The following THSD7B variants were observed in gnomAD, a reference collection of about 807,000 sequenced individuals.
The protein encoded by THSD7B is thrombospondin type 1 domain containing 7B, also known as thrombospondin type-1 domain-containing protein 7B.
A neutral mutation model predicts 213.6 loss-of-function variants in THSD7B; 138 were observed. The observed-to-expected ratio is 0.65, with a 90% CI of 0.56 to 0.74. The LOEUF is 0.74. Ranked by LOEUF, THSD7B falls within the 30% of genes least tolerant of loss-of-function variation. The pLI, the probability that THSD7B is intolerant of heterozygous loss-of-function variation, is 0.00. For missense variants in THSD7B, 1,931 were observed against 1,991.5 expected (o/e 0.97, Z 0.58); for synonymous variants, 742 against 687.0 (o/e 1.08, Z -1.25).
chr2:137,170,327 A>T (rs1252616563), intron 6 of THSD7B, among the ~76,000 whole-genome samples: 1 of 152,208 alleles, frequency 6.6e-6, no homozygotes, highest in Non-Finnish European at 1.5e-5. Flanking sequence ...TGGAGATGCC[A>T]GAGAGGTAAT....
At chr2:136,857,378 G>A (rs563056175) in intron 1 of THSD7B, among the ~76,000 whole-genome samples, 11 of 152,234 alleles carry the variant, frequency 7.2e-5, no homozygotes, top group East Asian at 1.9e-4. Flanking sequence ...ACATGCCTGC[G>A]TTCCCACCAG....
intron 2 of THSD7B, among the ~76,000 whole-genome samples, chr2:136,983,618 G>C (rs1685625527): frequency 6.6e-6 from 1 of 151,914 alleles, no homozygotes; most frequent in Non-Finnish European, 1.5e-5. Flanking sequence ...TCTGCAAATG[G>C]AATCAACATG....
intron 9 of THSD7B, among the ~76,000 whole-genome samples, chr2:137,236,483 G>A (rs995872676): frequency 6.6e-6 from 1 of 152,106 alleles, no homozygotes; most frequent in Non-Finnish European, 1.5e-5. Flanking sequence ...AGTTGTGTTC[G>A]GTTTTGTTTT....
At chr2:137,461,008 T>G (rs1687873287) in intron 15 of THSD7B, among the ~76,000 whole-genome samples, 1 of 152,162 alleles carries the variant, frequency 6.6e-6, no homozygotes, top group Non-Finnish European at 1.5e-5. Context: ...CTTAATATTA[T>G]TATTCATGAT....
intron 7 of THSD7B, among the ~76,000 whole-genome samples, chr2:137,212,874 A>G (rs994437724): frequency 6.6e-6 from 1 of 152,054 alleles, no homozygotes; most frequent in African/African-American, 2.4e-5. Context: ...GTGTAAAATT[A>G]TGGATCAGGA....
intron 14 of THSD7B, among the ~76,000 whole-genome samples, chr2:137,413,625 G>C (rs925920277): frequency 3.9e-5 from 6 of 152,186 alleles, no homozygotes; most frequent in Admixed American, 3.9e-4. Context: ...GCTAGGAAAG[G>C]TGTTTTGGAT....
intron 2 of THSD7B, among the ~76,000 whole-genome samples, chr2:137,012,779 A>G (rs1285223777): frequency 2.0e-5 from 3 of 152,202 alleles, no homozygotes; most frequent in Admixed American, 6.5e-5. Context: ...TTCTACTTTT[A>G]TTTGTGCTTT....
intron 5 of THSD7B, among the ~76,000 whole-genome samples, chr2:137,132,922 GT>G (rs1688768369): frequency 1.3e-5 from 2 of 152,074 alleles, no homozygotes; most frequent in African/African-American, 4.8e-5. Flanking sequence ...CTTCAAAAAT[GT>G]AAAGACAGCC....
intron 7 of THSD7B, among the ~76,000 whole-genome samples, chr2:137,181,539 A>G (rs1035446808): frequency 2.0e-5 from 3 of 152,200 alleles, no homozygotes; most frequent in South Asian, 2.1e-4. Context: ...CTGCCTAGCA[A>G]TGGTGAGTAA....
Position 137,405,671 on chromosome 2 carries a change from G to A in THSD7B, c.2559G>A (p.Gln853=). Residue 853 remains glutamine (Q), a synonymous_variant, in exon 13 of 28, where the codon CAG becomes CAA. Transcript: ENST00000409968. ...RSAEMMECLK[Q]TNGMPLLVQE... ...CAGAAATGATGGAATGCCTCAAGCA[G>A]ACAAACGGCATGCCTCTCCTTGTGC... 6.2e-7 allele frequency: 1 copy of A among 1,613,502 alleles called. No homozygotes were observed. The highest frequency in any genetic ancestry group is 8.5e-7 in the Non-Finnish European group (1 of 1,179,730).
intron 2 of THSD7B, among the ~76,000 whole-genome samples, chr2:137,006,277 C>A (rs940215517): frequency 6.6e-6 from 1 of 152,126 alleles, no homozygotes; most frequent in African/African-American, 2.4e-5. Context: ...CGCCTGTAGT[C>A]CGAACTACTC....
chr2:137,396,418 T>C (rs1429522230), intron 12 of THSD7B, among the ~76,000 whole-genome samples: 3 of 148,664 alleles, frequency 2.0e-5, no homozygotes, highest in East Asian at 3.9e-4. Flanking sequence ...CATTTCGTTA[T>C]GTATCCAGTA....
intron 12 of THSD7B, among the ~76,000 whole-genome samples, chr2:137,306,722 G>A (rs945546263): frequency 1.3e-5 from 2 of 151,752 alleles, no homozygotes; most frequent in Non-Finnish European, 2.9e-5. Flanking sequence ...TTTATATCTT[G>A]AGTTTTCTGT....
At chr2:137,582,253 C>G (rs1681596960) in intron 17 of THSD7B, among the ~76,000 whole-genome samples, 1 of 152,088 alleles carries the variant, frequency 6.6e-6, no homozygotes, top group African/African-American at 2.4e-5. Context: ...TTTGGCATTA[C>G]TGGTATGCTA....
intron 17 of THSD7B, among the ~76,000 whole-genome samples, chr2:137,577,906 G>A (rs1419904008): frequency 6.6e-6 from 1 of 152,186 alleles, no homozygotes; most frequent in Non-Finnish European, 1.5e-5. Flanking sequence ...TAGCACGATT[G>A]TAACGCGATT....
intron 1 of THSD7B, among the ~76,000 whole-genome samples, chr2:136,766,182 C>T (rs1478425793): frequency 6.6e-6 from 1 of 152,178 alleles, no homozygotes; most frequent in Non-Finnish European, 1.5e-5. Flanking sequence ...TTTCCCGTAG[C>T]GCTGACTGCG....
At chr2:136,775,938 A>G (rs1387304341) in intron 1 of THSD7B, among the ~76,000 whole-genome samples, 1 of 152,130 alleles carries the variant, frequency 6.6e-6, no homozygotes, top group African/African-American at 2.4e-5. Flanking sequence ...ACAGATTAAC[A>G]TAATTCTTCT....
chr2:136,778,695 C>A (rs1681659247), intron 1 of THSD7B, among the ~76,000 whole-genome samples: 1 of 152,106 alleles, frequency 6.6e-6, no homozygotes, highest in Non-Finnish European at 1.5e-5. Flanking sequence ...TCCATATTTA[C>A]TTTTTCCTCA....
At chr2:137,242,301 G>C (rs531676253) in intron 9 of THSD7B, among the ~76,000 whole-genome samples, 156 bp from the exon 10 acceptor site, 1 of 152,152 alleles carries the variant, frequency 6.6e-6, no homozygotes, top group African/African-American at 2.4e-5. Context: ...AGCTTTGAGC[G>C]CTTGGGCAAG....
Sources: gnomAD v4.1 joint callset for allele counts (sites outside exome capture counted in the v4.1 genomes callset) on GRCh38, gnomAD v4.1.1 for gene constraint, MANE v1.5 for transcripts, NCBI Gene and HGNC (gene_info 2026-07-23, HGNC 2026-07-21) for gene names.